The following GNAS-AS1 variants were observed in gnomAD, a reference collection of about 807,000 sequenced individuals.
GNAS-AS1 encodes the protein GNAS antisense RNA 1 (non-protein coding).
chr20:58,842,257 C>A, intron 3 of GNAS-AS1: 2 of 398,336 alleles, frequency 5.0e-6, no homozygotes, highest in South Asian at 1.3e-4. Context: ...TTTAAAAAAT[C>A]TCATCCGACT....
chr20:58,831,888 C>G (rs1203821198), intron 4 of GNAS-AS1, among the ~76,000 whole-genome samples: 6 of 152,118 alleles, frequency 3.9e-5, no homozygotes, highest in African/African-American at 1.4e-4. Flanking sequence ...AATCAAAAGT[C>G]CCTCCCCTGA....
chr20:58,822,344 CAGG>C (rs1262774819), intron 4 of GNAS-AS1, among the ~76,000 whole-genome samples: 2 of 152,204 alleles, frequency 1.3e-5, no homozygotes, highest in Non-Finnish European at 2.9e-5. Context: ...AGATGAGTGA[CAGG>C]CACAAGTGGT....
chr20:58,829,101 T>C (rs1485153892), intron 4 of GNAS-AS1, among the ~76,000 whole-genome samples: 1 of 151,928 alleles, frequency 6.6e-6, no homozygotes, highest in African/African-American at 2.4e-5. Context: ...CATGGCCTCC[T>C]GCTACCTCAC....
At chr20:58,826,325 C>T (rs2085520088) in intron 4 of GNAS-AS1, among the ~76,000 whole-genome samples, 5 of 152,216 alleles carry the variant, frequency 3.3e-5, no homozygotes, top group Admixed American at 3.3e-4. Flanking sequence ...ACAGCCTGCT[C>T]TGCTGCCCCT....
At chr20:58,844,830 C>A (rs560449428) in intron 2 of GNAS-AS1, among the ~76,000 whole-genome samples, 71 of 151,736 alleles carry the variant, frequency 4.7e-4, no homozygotes, top group Non-Finnish European at 7.2e-4. Context: ...ACAACAACAA[C>A]AAAAAACCCC....
chr20:58,840,791 G>C lies in GNAS-AS1; in HGVS notation n.819+1146C>G, dbSNP rs1177136972. ...GCCAAAGAAGCCCACCCGCCGTGACGCGTCCCCGGAGTCCCCTTCCAAAAA... is the reference window on the plus strand; with the variant it reads ...GCCAAAGAAGCCCACCCGCCGTGACCCGTCCCCGGAGTCCCCTTCCAAAAA... On this transcript the variant is annotated intron_variant and non_coding_transcript_variant, in intron 4 of 4. Coordinates refer to ENST00000424094, the Ensembl canonical transcript of GNAS-AS1. This position sits in a 1 kb window ranked among gnomAD's most constrained non-coding sequence, Gnocchi z 6.0. 3.1e-6 allele frequency: 5 copies of C among 1,611,920 alleles called. No homozygotes were observed. The Admixed American group carries it at 8.3e-5, about 27-fold the overall frequency.
In GNAS-AS1 at chr20:58,841,894, C is replaced by A; in HGVS notation, n.819+43G>T. On this transcript the variant is annotated intron_variant and non_coding_transcript_variant, in intron 4 of 4. Transcript: ENST00000424094. This position sits in a 1 kb window ranked among gnomAD's most constrained non-coding sequence, Gnocchi z 5.0. ...TGGAAAGGTAAAGCGGAACAAGGGA[C>A]AGGCTGGAGACGGGGGTCGCGTCTA... 1 of 1,231,014 alleles carries A rather than the reference C, an allele frequency of 8.1e-7. No homozygotes were observed. The allele number at this position is 1,231,014 out of a possible 1,614,324, so 76.3% of individuals were successfully genotyped here. A position where few individuals can be genotyped will look rare whatever the true frequency, so the allele number is the denominator to read the frequency against.
chr20:58,840,124 G>GT lies in GNAS-AS1; in HGVS notation n.819+1812_819+1813insA. The GT allele has an allele frequency of 6.2e-7, 1 of 1,611,440 alleles. No individual in the cohort carries two copies. Among genetic ancestry groups the GT allele is most frequent in the Non-Finnish European group, 8.5e-7 (1 of 1,179,982 alleles). Reference sequence around the variant, plus strand: ...CTAAGAGGATGGATCGGAGGTCCCGGGCTCAGCAGTGGCGCCGAGCTCGCC... The same window carrying GT: ...CTAAGAGGATGGATCGGAGGTCCCGGTGCTCAGCAGTGGCGCCGAGCTCGCC... On this transcript the variant is annotated intron_variant and non_coding_transcript_variant, in intron 4 of 4. Transcript: ENST00000424094. The surrounding 1 kb of genome is among the most constrained non-coding windows in gnomAD (Gnocchi z 6.0).
intron 4 of GNAS-AS1, among the ~76,000 whole-genome samples, chr20:58,828,710 C>T (rs1278858552): frequency 2.0e-5 from 3 of 152,234 alleles, no homozygotes; most frequent in Non-Finnish European, 2.9e-5. Context: ...CCACTGTGCC[C>T]GAGACCTAGA....
chr20:58,827,929 T>C (rs2085531257), intron 4 of GNAS-AS1, among the ~76,000 whole-genome samples: 1 of 152,232 alleles, frequency 6.6e-6, no homozygotes, highest in African/African-American at 2.4e-5. Context: ...ATTCATATAA[T>C]TGCATGCGCA....
Position 58,840,238 on chromosome 20 carries a change from C to T in GNAS-AS1, n.819+1699G>A. The T allele has an allele frequency of 6.2e-7, 1 of 1,611,154 alleles. No homozygotes were observed. ...CCTGCTCCATCGCGCTCCTCCGCGC[C>T]CTTGCCACCTCCAACGCCCGTGCCC... On this transcript the variant is annotated intron_variant and non_coding_transcript_variant, in intron 4 of 4. Transcript: ENST00000424094. This position sits in a 1 kb window ranked among gnomAD's most constrained non-coding sequence, Gnocchi z 6.0.
At chr20:58,842,342 T>G (rs2085771556) in intron 3 of GNAS-AS1, 1 of 397,888 alleles carries the variant, frequency 2.5e-6, no homozygotes, top group Non-Finnish European at 4.4e-6. Flanking sequence ...GACAACGATT[T>G]GGAGGAATAG....
chr20:58,830,516 C>CCAT (rs2085557456), intron 4 of GNAS-AS1, among the ~76,000 whole-genome samples: 1 of 7,032 alleles, frequency 1.4e-4, no homozygotes, highest in Non-Finnish European at 2.9e-4. Flanking sequence ...ACCATCATCA[C>CCAT]CACCACACCA....
At chr20:58,847,555 C>T (rs1202147484) in intron 2 of GNAS-AS1, among the ~76,000 whole-genome samples, 1 of 152,248 alleles carries the variant, frequency 6.6e-6, no homozygotes, top group African/African-American at 2.4e-5. Flanking sequence ...AAATTCTTTT[C>T]TACCTTCTCT....
At chr20:58,834,255 G>C (rs1199265267) in intron 4 of GNAS-AS1, 1 of 152,334 alleles carries the variant, frequency 6.6e-6, no homozygotes, top group Non-Finnish European at 1.5e-5. Context: ...GCTATGAGCC[G>C]AGAGCTTTCC....
intron 4 of GNAS-AS1, among the ~76,000 whole-genome samples, chr20:58,823,464 T>A (rs2085499234): frequency 6.6e-6 from 1 of 152,222 alleles, no homozygotes; most frequent in Admixed American, 6.5e-5. Flanking sequence ...TGTGGCCATC[T>A]GTATGCCTGT....
chr20:58,846,471 T>C (rs1275707784), intron 2 of GNAS-AS1, among the ~76,000 whole-genome samples: 1 of 152,202 alleles, frequency 6.6e-6, no homozygotes, highest in African/African-American at 2.4e-5. Flanking sequence ...TCCAATTTCA[T>C]AGGTGTGGAG....
In GNAS-AS1 at chr20:58,841,959, T is replaced by A. The variant is rs906453208; in HGVS notation, n.797A>T. ...TACAATTCGTTTCCAAAGAGCGCGG[T>A]ACGCGCAGAGCTGGGGAAAGGTGTT... On this transcript the variant is annotated non_coding_transcript_exon_variant, in exon 4 of 5. Transcript: ENST00000424094. The surrounding 1 kb of genome is among the most constrained non-coding windows in gnomAD (Gnocchi z 5.0). The A allele has an allele frequency of 4.5e-6, 5 of 1,100,974 alleles. No homozygotes were observed. The highest frequency in any genetic ancestry group is 5.8e-6 in the Non-Finnish European group (5 of 868,516). 68.2% of individuals were successfully genotyped at this position (1,100,974 alleles called of 1,614,324 possible).
chr20:58,838,916 CAAAAAAAAAAAAAAAAA>C (rs766172876), intron 4 of GNAS-AS1: 1 of 200,360 alleles, frequency 5.0e-6, no homozygotes, highest in Non-Finnish European at 8.1e-6. Context: ...GATTCTGTCT[CAAAAAAAAAAAAAAAAA>C]AAAAAAAACC....
Sources: gnomAD v4.1 joint callset for allele counts (sites outside exome capture counted in the v4.1 genomes callset) on GRCh38, gnomAD v4.1.1 for gene constraint, Gnocchi (gnomAD v3.1) non-coding constraint, MANE v1.5 for transcripts, NCBI Gene and HGNC (gene_info 2026-07-23, HGNC 2026-07-21) for gene names.